Variants in AK8 observed in about 807,000 individuals in gnomAD.
AK8 encodes the protein adenylate kinase 8, also known as ATP-AMP transphosphorylase 8.
A neutral mutation model predicts 54.6 loss-of-function variants in AK8; 44 were observed. The ratio of observed to expected loss-of-function variants is 0.81; its 90% CI spans 0.63 to 1.04. The LOEUF (loss-of-function observed/expected upper bound fraction) is 1.04, where lower values mean the gene tolerates loss of function less well. Ranked by LOEUF, AK8 falls within the 50% of genes least tolerant of loss-of-function variation. The pLI, the probability that AK8 is intolerant of heterozygous loss-of-function variation, is 0.00. For synonymous variants in AK8, 239 were observed against 245.6 expected, an observed-to-expected ratio of 0.97 and a Z score of 0.25; for missense variants, 555 against 613.6, an observed-to-expected ratio of 0.90 and a Z score of 1.01.
chr9:132,827,313 C>T (rs1052986892), intron 7 of AK8: 84 of 549,120 alleles, frequency 1.5e-4, no homozygotes, highest in Non-Finnish European at 2.3e-4. Context: ...TTACTCTGTG[C>T]CAGCCACTCT....
At chr9:132,861,982 A>G (rs905686278) in intron 4 of AK8, among the ~76,000 whole-genome samples, 17 of 152,230 alleles carry the variant, frequency 1.1e-4, no homozygotes, top group African/African-American at 4.1e-4. Context: ...AATTAGCAAA[A>G]TGAAACCCAG....
intron 11 of AK8, among the ~76,000 whole-genome samples, chr9:132,743,213 G>A (rs1382836802): frequency 6.6e-6 from 1 of 152,252 alleles, no homozygotes; most frequent in Non-Finnish European, 1.5e-5. Context: ...TGCCATGGGG[G>A]CCCACCCACG....
rs371784321 is a variant in AK8 at position 132,878,282 on chromosome 9, A to G, written c.-27T>C. ...TAGCCGTCTCGGCTCGCCGCTCCCT[A>G]GTAACCGCGTCGCTAGGGCCGCCGC... On this transcript the variant is annotated 5_prime_UTR_variant, in exon 1 of 13. Coordinates refer to ENST00000298545, the MANE Select transcript of AK8 (RefSeq NM_152572.3). The surrounding 1 kb of genome is among the most constrained non-coding windows in gnomAD (Gnocchi z 4.7). 8.2e-6 allele frequency: 11 copies of G among 1,342,202 alleles called. No individual in the cohort carries two copies. Among genetic ancestry groups the G allele is most frequent in the Non-Finnish European group, 8.7e-6 (9 of 1,039,046 alleles). The allele number at this position is 1,342,202 out of a possible 1,614,324, so 83.1% of individuals were successfully genotyped here. A position where few individuals can be genotyped will look rare whatever the true frequency, so the allele number is the denominator to read the frequency against.
rs913039050 is a variant in AK8, at chr9:132,789,640, A to C, written c.1121+2994T>G. Among the ~76,000 whole-genome samples, 10 of 151,902 alleles carry C rather than the reference A, an allele frequency of 6.6e-5. No individual in the cohort carries two copies. The South Asian group carries it at 1.9e-3, about 28-fold the overall frequency. On this transcript the variant is annotated intron_variant, in intron 11 of 12. Coordinates refer to ENST00000298545, the MANE Select transcript of AK8 (RefSeq NM_152572.3). Reference sequence around the variant, plus strand: ...AAAAAAAAGAAAGAAAGAAAAGAAAAAAAGATACTCAAATTTATTATCTCC... The same window carrying C: ...AAAAAAAAGAAAGAAAGAAAAGAAACAAAGATACTCAAATTTATTATCTCC...
intron 11 of AK8, among the ~76,000 whole-genome samples, chr9:132,767,344 C>G (rs1392099761): frequency 2.0e-5 from 3 of 151,806 alleles, no homozygotes; most frequent in South Asian, 4.1e-4. Flanking sequence ...GGCCAACAGG[C>G]ATATGAAAAT....
At chr9:132,794,407 C>T (rs138851506) in intron 10 of AK8, among the ~76,000 whole-genome samples, 1 of 152,266 alleles carries the variant, frequency 6.6e-6, no homozygotes, top group Non-Finnish European at 1.5e-5. Context: ...CCATCCGGAA[C>T]ACCCTTCTCC....
intron 5 of AK8, among the ~76,000 whole-genome samples, chr9:132,838,283 T>C (rs987623072): frequency 6.6e-6 from 1 of 152,124 alleles, no homozygotes; most frequent in Non-Finnish European, 1.5e-5. Context: ...CCATGTAAAT[T>C]CTAAACTTTT....
rs1194084916 is a variant in AK8, at chr9:132,860,064, AC to A, written c.333+3600del. On this transcript the variant is annotated intron_variant, in intron 4 of 12. Transcript: ENST00000298545. This position sits in a 1 kb window ranked among gnomAD's most constrained non-coding sequence, Gnocchi z 4.4. ...GAAAAGCTGTGGGGTCAGCATCTAG[AC>A]AAAATCACTCAGGGGAGCCAGTCGC... is the stretch of plus-strand genomic sequence containing the variant. Among the ~76,000 whole-genome samples the A allele has an allele frequency of 6.6e-6, 1 of 152,026 alleles. No homozygotes were observed. Among genetic ancestry groups the A allele is most frequent in the Non-Finnish European group, 1.5e-5 (1 of 68,004 alleles).
chr9:132,800,963 C>T (rs1054265517), intron 10 of AK8, among the ~76,000 whole-genome samples: 1 of 136,208 alleles, frequency 7.3e-6, no homozygotes, highest in African/African-American at 2.7e-5. Flanking sequence ...CTCGCTCTGT[C>T]GCCCAGGCTG....
intron 11 of AK8, among the ~76,000 whole-genome samples, chr9:132,784,396 G>A (rs192923178): frequency 5.6e-4 from 85 of 152,290 alleles, no homozygotes; most frequent in African/African-American, 1.9e-3. Flanking sequence ...GCACACATCT[G>A]TAATCCCAGC....
At chr9:132,771,187 G>T (rs1838963670) in intron 11 of AK8, among the ~76,000 whole-genome samples, 1 of 152,192 alleles carries the variant, frequency 6.6e-6, no homozygotes, top group African/African-American at 2.4e-5. Context: ...CAGCTGAAAG[G>T]TTCGGGTGAT....
chr9:132,850,038 C>T (rs1273397391), intron 5 of AK8, among the ~76,000 whole-genome samples: 1 of 148,838 alleles, frequency 6.7e-6, no homozygotes, highest in Non-Finnish European at 1.5e-5. Flanking sequence ...TTAGCCACTG[C>T]ATTCAACCCT....
At chr9:132,854,414 C>A (rs1392995837) in intron 5 of AK8, among the ~76,000 whole-genome samples, 2 of 152,168 alleles carry the variant, frequency 1.3e-5, no homozygotes, top group African/African-American at 4.8e-5. Context: ...AGGAGGCCGG[C>A]CTCAGTGGAC....
At chr9:132,780,578 C>A (rs1487683438) in intron 11 of AK8, among the ~76,000 whole-genome samples, 1 of 152,174 alleles carries the variant, frequency 6.6e-6, no homozygotes. Flanking sequence ...ATGTGGGACA[C>A]ACATACCCAT....
Position 132,823,236 on chromosome 9 carries a change from G to A in AK8, c.858C>T (p.Ala286=). ...CAAGCCTGTATTTCTGGGCCAGGAG[G>A]GCGGCCTGCAGACTTTTCCCACTGC... ...PVGSGKSLQA[A]LLAQKYRLVN... The change falls in exon 9 of 13, where the codon GCC becomes GCT. Residue 286 remains alanine (A), a synonymous_variant. Transcript: ENST00000298545. 1 of 1,600,568 alleles carries A rather than the reference G, an allele frequency of 6.2e-7. No individual in the cohort carries two copies. Among genetic ancestry groups the A allele is most frequent in the Non-Finnish European group, 8.5e-7 (1 of 1,173,984 alleles).
At chr9:132,806,303 G>T (rs745785999) in intron 10 of AK8, among the ~76,000 whole-genome samples, 1 of 152,040 alleles carries the variant, frequency 6.6e-6, no homozygotes, top group Admixed American at 6.5e-5. Context: ...CAGCACCCTA[G>T]AAAGTTTCTT....
intron 11 of AK8, among the ~76,000 whole-genome samples, chr9:132,775,134 C>A (rs963592015): frequency 2.0e-5 from 3 of 151,878 alleles, no homozygotes; most frequent in Non-Finnish European, 4.4e-5. Context: ...GGCAAAGGGA[C>A]CCTGGAAACC....
chr9:132,800,187 C>A (rs887257880), intron 10 of AK8, among the ~76,000 whole-genome samples: 1 of 152,196 alleles, frequency 6.6e-6, no homozygotes, highest in Non-Finnish European at 1.5e-5. Flanking sequence ...GGCACTGATT[C>A]CCGGCAGCTG....
At chr9:132,730,867 T>C (rs1365883771) in intron 11 of AK8, among the ~76,000 whole-genome samples, 1 of 152,184 alleles carries the variant, frequency 6.6e-6, no homozygotes, top group African/African-American at 2.4e-5. Flanking sequence ...TGTTTTACAG[T>C]GAGATGAGGA....
Sources: allele counts gnomAD v4.1 joint callset (sites outside exome capture counted in the v4.1 genomes callset), GRCh38; gene constraint gnomAD v4.1.1; non-coding constraint Gnocchi (gnomAD v3.1); transcripts MANE v1.5; gene names NCBI Gene and HGNC (gene_info 2026-07-23, HGNC 2026-07-21).